LIPE: variants seen among roughly 807,000 people sequenced by gnomAD.
LIPE encodes the protein hormone-sensitive lipase.
LIPE carries 66 observed loss-of-function variants against 88.5 expected under a neutral mutation model. The observed-to-expected ratio is 0.75, with a 90% confidence interval of 0.61 to 0.91. The LOEUF (loss-of-function observed/expected upper bound fraction) is 0.91, where lower values mean the gene tolerates loss of function less well. Among genes scored for constraint, LIPE ranks in the 40% least tolerant of loss-of-function variants. The pLI is 0.00. For synonymous variants in LIPE, 570 were observed against 617.5 expected (o/e 0.92, Z 1.14); for missense variants, 1,346 against 1,434.7 (o/e 0.94, Z 1.00).
In LIPE at chr19:42,408,261, T is replaced by A. The variant is rs2040254727; in HGVS notation, c.1481A>T (p.Glu494Val). 6.2e-7 allele frequency: 1 copy of A among 1,613,560 alleles called. No homozygotes were observed. The highest frequency in any genetic ancestry group is 1.7e-5 in the Admixed American group (1 of 59,938). ...TISIGLVSFG[E>V]HYKRNETGLS... ...GCCTGTCTCGTTGCGTTTGTAGTGC[T>A]CCCCGAAGGACACCAGCCCAATGGA... Residue 494 changes from glutamate to valine, a missense_variant, in exon 3 of 10, where the codon GAG becomes GTG. Transcript: ENST00000244289. This position sits in a 1 kb window ranked among gnomAD's most constrained non-coding sequence, Gnocchi z 4.3.
intron 1 of LIPE, among the ~76,000 whole-genome samples, chr19:42,412,057 G>A (rs1468472827): frequency 1.3e-5 from 2 of 152,156 alleles, no homozygotes; most frequent in Non-Finnish European, 2.9e-5. Flanking sequence ...GGGGCTCCCC[G>A]CTAGGACTCT....
rs1057287838 is a variant in LIPE, at chr19:42,414,230, C to A, written c.884-3388G>T. ...CAGAGGTTGCAGTGAGCTGAGATCA[C>A]GCCACTGTACTCCAGCCTGGCGATA... On this transcript the variant is annotated intron_variant, in intron 1 of 9. Coordinates refer to ENST00000244289, the MANE Select transcript of LIPE (RefSeq NM_005357.4). The surrounding 1 kb of genome is among the most constrained non-coding windows in gnomAD (Gnocchi z 4.6). 6.6e-6 allele frequency among the ~76,000 whole-genome samples: 1 copy of A among 151,278 alleles called. No homozygotes were observed. The highest frequency in any genetic ancestry group is 2.4e-5 in the African/African-American group (1 of 41,034).
rs911117070 is a variant in LIPE at position 42,405,945 on chromosome 19, C to T, written c.2365+216G>A. On this transcript the variant is annotated intron_variant, in intron 7 of 9. Transcript: ENST00000244289. ...ACTGCACTCAGCCTGAGCGACATGA[C>T]ACCTTGTGTCTGTCTGTCTCTCTCT... 2.6e-5 allele frequency: 15 copies of T among 586,604 alleles called. No homozygotes were observed. The East Asian group carries it at 4.2e-4, about 17-fold the overall frequency. The allele number at this position is 586,604 out of a possible 1,614,324, so 36.3% of individuals were successfully genotyped here. A position where few individuals can be genotyped will look rare whatever the true frequency, so the allele number is the denominator to read the frequency against.
Position 42,401,789 on chromosome 19 carries a change from G to T in LIPE, c.*23C>A. 6.9e-7 allele frequency: 1 copy of T among 1,449,130 alleles called. No homozygotes were observed. 89.8% of individuals were successfully genotyped at this position (1,449,130 alleles called of 1,614,324 possible). A position where few individuals can be genotyped will look rare whatever the true frequency, so the allele number is the denominator to read the frequency against. On this transcript the variant is annotated 3_prime_UTR_variant, in exon 10 of 10. Transcript: ENST00000244289. ...CGGAAGGCATTCATGACGGAGGCCGGCGCAGATGGGAACAACAGGCTTTTA... is the reference window on the plus strand; with the variant it reads ...CGGAAGGCATTCATGACGGAGGCCGTCGCAGATGGGAACAACAGGCTTTTA...
chr19:42,419,526 A>G (rs1228522226), intron 1 of LIPE, among the ~76,000 whole-genome samples: 1 of 152,230 alleles, frequency 6.6e-6, no homozygotes, highest in Non-Finnish European at 1.5e-5. Context: ...GGGTAGGCCC[A>G]CTGGGGCCGT....
intron 1 of LIPE, among the ~76,000 whole-genome samples, chr19:42,416,129 G>C (rs1219449407): frequency 1.3e-5 from 2 of 151,990 alleles, no homozygotes; most frequent in African/African-American, 4.8e-5. Flanking sequence ...GATCACCTGA[G>C]GTCGGGAGTT....
chr19:42,421,301 C>T lies in LIPE; in HGVS notation c.883+4966G>A, dbSNP rs34124946. Among the ~76,000 whole-genome samples the T allele has an allele frequency of 1.6e-3, 237 of 152,250 alleles. 2 individuals carry two copies. The highest frequency in any genetic ancestry group is 5.4e-3 in the African/African-American group (226 of 41,532). On this transcript the variant is annotated intron_variant, in intron 1 of 9. Transcript: ENST00000244289. ...TGTAACTCAGTGTTTCCTCAAGCCT[C>T]GGGTCTTTCTCCATACTGTCCTCTC...
intron 1 of LIPE, among the ~76,000 whole-genome samples, chr19:42,425,813 CT>C (rs1014922205): frequency 7.2e-5 from 11 of 151,760 alleles, no homozygotes; most frequent in Admixed American, 5.9e-4. Context: ...TTGTTTTTTT[CT>C]TTTTTTGAGA....
In LIPE at chr19:42,407,451, G is replaced by A. The variant is rs1568600137; in HGVS notation, c.1860C>T (p.Ser620=). The A allele has an allele frequency of 1.2e-6, 2 of 1,612,726 alleles. No individual in the cohort carries two copies. The highest frequency in any genetic ancestry group is 1.7e-6 in the Non-Finnish European group (2 of 1,179,104). ...GTTGGCCGTTGGACTTTATCAGGCT[G>A]CTGAGCTCCTCACTGTCCTGGGGGT... ...LREGQDSEEL[S]SLIKSNGQRS... Residue 620 remains serine (S), a synonymous_variant, in exon 6 of 10, where the codon AGC becomes AGT. Coordinates refer to ENST00000244289, the MANE Select transcript of LIPE (RefSeq NM_005357.4). This position sits in a 1 kb window ranked among gnomAD's most constrained non-coding sequence, Gnocchi z 5.8.
At position 42,425,561 on chromosome 19, in the gene LIPE, C is replaced by T. The variant is rs547218352; in HGVS notation, c.883+706G>A. 1.6e-4 allele frequency among the ~76,000 whole-genome samples: 25 copies of T among 152,248 alleles called. 2 individuals are homozygous for T. The South Asian group carries it at 4.1e-3, about 25-fold the overall frequency. On this transcript the variant is annotated intron_variant, in intron 1 of 9. Coordinates refer to ENST00000244289, the MANE Select transcript of LIPE (RefSeq NM_005357.4). ...GCTCGGTGGCTCATGCCTGTAATCT[C>T]AGCACTTTGGGAAGCTGAGGTGGGA...
intron 1 of LIPE, among the ~76,000 whole-genome samples, chr19:42,420,412 A>G (rs906345554): frequency 6.6e-6 from 1 of 151,942 alleles, no homozygotes; most frequent in Non-Finnish European, 1.5e-5. Context: ...ATGCCTGTGA[A>G]TGTATCTGTG....
intron 1 of LIPE, chr19:42,411,222 G>T (rs553355312): frequency 2.5e-6 from 2 of 804,148 alleles, no homozygotes; most frequent in South Asian, 1.1e-4. Flanking sequence ...CCTGAATCCG[G>T]ACATTCCCTG....
chr19:42,413,721 C>G (rs28474957), intron 1 of LIPE, among the ~76,000 whole-genome samples: 3,636 of 152,300 alleles, frequency 0.024, 150 homozygotes, highest in African/African-American at 0.081. Flanking sequence ...CTGAGGGGCT[C>G]TGAGGCCTCA....
rs2040354498 is a variant in LIPE at position 42,410,821 on chromosome 19, A to G, written c.905T>C (p.Met302Thr). Residue 302 changes from methionine (M) to threonine (T), a missense_variant, in exon 2 of 10, where the codon ATG (methionine) becomes ACG (threonine). Transcript: ENST00000244289. The surrounding 1 kb of genome is among the most constrained non-coding windows in gnomAD (Gnocchi z 6.1). ...QDTASRLIHN[M>T]DLRTMTQSLV... ...CGACTGTGTCATTGTGCGCAGGTCCATGTTGTGGATGAGCCTTGAGGCTGT... is the reference window on the plus strand; with the variant it reads ...CGACTGTGTCATTGTGCGCAGGTCCGTGTTGTGGATGAGCCTTGAGGCTGT... 1.9e-6 allele frequency: 3 copies of G among 1,566,896 alleles called. No individual in the cohort carries two copies. The highest frequency in any genetic ancestry group is 2.6e-6 in the Non-Finnish European group (3 of 1,153,242).
Position 42,405,505 on chromosome 19 carries a change from GC to G in LIPE, c.2421del (p.Leu808TrpfsTer27), listed in dbSNP as rs757683564. The G allele has an allele frequency of 6.2e-7, 1 of 1,614,204 alleles. No homozygotes were observed. The highest frequency in any genetic ancestry group is 2.2e-5 in the East Asian group (1 of 44,882). ...AGCAGGGCTGTGTCCCGCCGCACCA[GC>G]CCCATCATGCCGAGGGCTTTCTGGT... ...NSDQKALGMMGLVRRDTALLL... is the reference protein window; with the variant it reads ...NSDQKALGMMXLVRRDTALLL... On this transcript the variant is annotated frameshift_variant, in exon 8 of 10. Transcript: ENST00000244289. LOFTEE classifies it high-confidence loss of function.
Position 42,401,778 on chromosome 19 carries a change from G to A in LIPE, c.*34C>T. On this transcript the variant is annotated 3_prime_UTR_variant, in exon 10 of 10. Transcript: ENST00000244289. ...TCCGCCCGGCCCGGAAGGCATTCAT[G>A]ACGGAGGCCGGCGCAGATGGGAACA... 1.5e-6 allele frequency: 2 copies of A among 1,357,536 alleles called. No individual in the cohort carries two copies. Among genetic ancestry groups the A allele is most frequent in the Non-Finnish European group, 9.6e-7 (1 of 1,046,658 alleles). 84.1% of individuals were successfully genotyped at this position (1,357,536 alleles called of 1,614,324 possible). A position where few individuals can be genotyped will look rare whatever the true frequency, so the allele number is the denominator to read the frequency against.
At chr19:42,422,021 G>A (rs144505985) in intron 1 of LIPE, among the ~76,000 whole-genome samples, 61 of 152,330 alleles carry the variant, frequency 4.0e-4, no homozygotes, top group African/African-American at 1.4e-3. Context: ...CTCTGTTACA[G>A]TTCACACATT....
rs943835117 is a variant in LIPE at position 42,423,917 on chromosome 19, C to T, written c.883+2350G>A. 2.6e-6 allele frequency: 3 copies of T among 1,157,508 alleles called. No homozygotes were observed. The African/African-American group carries it at 4.9e-5, about 19-fold the overall frequency. The allele number at this position is 1,157,508 out of a possible 1,614,324, so 71.7% of individuals were successfully genotyped here. A position where few individuals can be genotyped will look rare whatever the true frequency, so the allele number is the denominator to read the frequency against. ...ATGTGCTGGCTCAGTCTCGCCATCCCACTCACCTTCCCAGGGAGGGATGCC... is the reference window on the plus strand; with the variant it reads ...ATGTGCTGGCTCAGTCTCGCCATCCTACTCACCTTCCCAGGGAGGGATGCC... On this transcript the variant is annotated intron_variant, in intron 1 of 9. Transcript: ENST00000244289.
chr19:42,420,222 T>C (rs1203320692), intron 1 of LIPE, among the ~76,000 whole-genome samples: 2 of 152,064 alleles, frequency 1.3e-5, no homozygotes, highest in Admixed American at 1.3e-4. Flanking sequence ...TGCTGATCTC[T>C]GCTGTGTTTC....
Sources: gnomAD v4.1 joint callset for allele counts (sites outside exome capture counted in the v4.1 genomes callset) on GRCh38, gnomAD v4.1.1 for gene constraint, Gnocchi (gnomAD v3.1) non-coding constraint, MANE v1.5 for transcripts, NCBI Gene and HGNC (gene_info 2026-07-23, HGNC 2026-07-21) for gene names.